WDFY3: variants seen among roughly 807,000 people sequenced by gnomAD.
WDFY3 encodes WD repeat and FYVE domain containing 3.
In WDFY3, 66 loss-of-function variants were observed where a neutral mutation model predicts 409.6. The ratio of observed to expected loss-of-function variants is 0.16; its 90% CI spans 0.13 to 0.20. The LOEUF is 0.20. WDFY3 is among the 10% of genes least tolerant of loss of function. The pLI, the probability that WDFY3 is intolerant of heterozygous loss-of-function variation, is 1.00. For missense variants in WDFY3, 3,031 were observed against 4,298.1 expected, an observed-to-expected ratio of 0.71 and a Z score of 8.24; for synonymous variants, 1,521 against 1,537.1, an observed-to-expected ratio of 0.99 and a Z score of 0.25.
At chr4:84,824,300 T>C (rs1431969655) in intron 10 of WDFY3, among the ~76,000 whole-genome samples, 1 of 152,218 alleles carries the variant, frequency 6.6e-6, no homozygotes, top group Admixed American at 6.5e-5. Flanking sequence ...TGTATTGCTA[T>C]AATTGTTATA....
intron 18 of WDFY3, 143 bp from the exon 19 acceptor site, chr4:84,796,895 T>G: frequency 4.6e-6 from 3 of 654,624 alleles, no homozygotes; most frequent in African/African-American, 1.8e-5. Flanking sequence ...CCAGTTTTAA[T>G]GTACATTTAC....
In WDFY3 at chr4:84,696,779, G is replaced by A; in HGVS notation, c.8641C>T (p.Pro2881Ser). The A allele has an allele frequency of 1.2e-6, 2 of 1,613,844 alleles. 1 individual carries two copies. Among genetic ancestry groups the A allele is most frequent in the Non-Finnish European group, 1.7e-6 (2 of 1,179,920 alleles). Residue 2881 changes from proline to serine, a missense_variant, in exon 57 of 68, where the codon CCC becomes TCC. Pro to Ser is a moderately conservative substitution (Grantham distance 74, BLOSUM62 -1). This residue lies in a region of WDFY3 where 129 missense variants were observed against 305.3 expected (regional missense o/e 0.42). Coordinates refer to ENST00000295888, the MANE Select transcript of WDFY3 (RefSeq NM_014991.6). The part of the protein sequence containing the change: ...GTKLGDVILP[P>S]WAKGDPREFI... ...TCTCGTGGGTCCCCTTTTGCCCAGG[G>A]TGGAAGGATAACATCTCCAAGCTTG...
rs948525855 is a variant in WDFY3, at chr4:84,829,075, A to G, written c.885T>C (p.Asp295=). Residue 295 remains aspartate, a synonymous_variant, in exon 9 of 68, where the codon GAT becomes GAC. Coordinates refer to ENST00000295888, the MANE Select transcript of WDFY3 (RefSeq NM_014991.6). ...GLSCFLKDSS[D]VSQTLLDDFR... ...AATCATCCAGAAGTGTTTGGGAAACATCGCTGGAATCTTTGAGGAAACAAG... is the reference window on the plus strand; with the variant it reads ...AATCATCCAGAAGTGTTTGGGAAACGTCGCTGGAATCTTTGAGGAAACAAG... 13 of 1,613,780 alleles carry G rather than the reference A, an allele frequency of 8.1e-6. No individual in the cohort carries two copies. Among genetic ancestry groups the G allele is most frequent in the African/African-American group, 1.3e-5 (1 of 74,926 alleles).
At chr4:84,867,565 C>A (rs1204596993) in intron 3 of WDFY3, among the ~76,000 whole-genome samples, 2 of 152,076 alleles carry the variant, frequency 1.3e-5, no homozygotes, top group Non-Finnish European at 2.9e-5. Flanking sequence ...TACTGCAAAC[C>A]CAGATAGTAT....
intron 1 of WDFY3, among the ~76,000 whole-genome samples, chr4:84,933,167 T>C (rs1448213615): frequency 1.3e-5 from 2 of 152,208 alleles, no homozygotes; most frequent in Admixed American, 6.5e-5. Flanking sequence ...TCAGATGAGC[T>C]ATGTGTTTTT....
chr4:84,941,304 A>T (rs150035369), intron 1 of WDFY3, among the ~76,000 whole-genome samples: 425 of 152,178 alleles, frequency 2.8e-3, no homozygotes, highest in African/African-American at 9.7e-3. Context: ...CAATATACAA[A>T]AATCAATTGT....
intron 12 of WDFY3, among the ~76,000 whole-genome samples, chr4:84,818,103 G>A (rs1753568922): frequency 6.6e-6 from 1 of 152,128 alleles, no homozygotes; most frequent in African/African-American, 2.4e-5. Context: ...ATGTGTCATT[G>A]TTACTGCTCC....
At chr4:84,903,012 G>A (rs1766548105) in intron 2 of WDFY3, among the ~76,000 whole-genome samples, 1 of 152,152 alleles carries the variant, frequency 6.6e-6, no homozygotes, top group Non-Finnish European at 1.5e-5. Flanking sequence ...TTATGTTGTT[G>A]AATGAAGGAA....
At chr4:84,761,239 T>C (rs1193061459) in intron 32 of WDFY3, among the ~76,000 whole-genome samples, 1 of 152,176 alleles carries the variant, frequency 6.6e-6, no homozygotes, top group Non-Finnish European at 1.5e-5. Context: ...TGTGGTCAAT[T>C]TTGGAATAGG....
intron 40 of WDFY3, among the ~76,000 whole-genome samples, chr4:84,737,932 C>A (rs1427208671): frequency 1.3e-5 from 2 of 152,092 alleles, no homozygotes; most frequent in African/African-American, 4.8e-5. Flanking sequence ...AGTAGGGCAA[C>A]AGAATCTGCT....
intron 15 of WDFY3, chr4:84,803,899 C>G: frequency 6.4e-6 from 1 of 155,846 alleles, no homozygotes; most frequent in Non-Finnish European, 1.4e-5. Flanking sequence ...GTGTTTTAAC[C>G]TTTCCTTAGT....
At chr4:84,861,922 C>G (rs926296542) in intron 3 of WDFY3, among the ~76,000 whole-genome samples, 1 of 152,166 alleles carries the variant, frequency 6.6e-6, no homozygotes, top group Non-Finnish European at 1.5e-5. Context: ...GGAGGACATT[C>G]TGGGTATGCA....
chr4:84,722,926 C>A (rs1184189074), intron 46 of WDFY3, among the ~76,000 whole-genome samples: 2 of 152,166 alleles, frequency 1.3e-5, no homozygotes, highest in African/African-American at 4.8e-5. Flanking sequence ...AGAACATCCA[C>A]AAGGGGTGGA....
Position 84,790,036 on chromosome 4 carries a change from A to T in WDFY3, c.3488-129T>A, listed in dbSNP as rs994736022. On this transcript the variant is annotated intron_variant, in intron 21 of 67. Coordinates refer to ENST00000295888, the MANE Select transcript of WDFY3 (RefSeq NM_014991.6). ...AATGATGCAGACTGATTTGAGTAAT[A>T]ATACAACTCTGGAAAAAAAAATGAT... 48 of 1,040,652 alleles carry T rather than the reference A, an allele frequency of 4.6e-5. No homozygotes were observed. The African/African-American group carries it at 7.6e-4, about 17-fold the overall frequency. The allele number at this position is 1,040,652 out of a possible 1,614,324, so 64.5% of individuals were successfully genotyped here. A position where few individuals can be genotyped will look rare whatever the true frequency, so the allele number is the denominator to read the frequency against.
intron 7 of WDFY3, among the ~76,000 whole-genome samples, chr4:84,836,030 AC>A (rs1403264759): frequency 6.6e-6 from 1 of 152,228 alleles, no homozygotes; most frequent in Non-Finnish European, 1.5e-5. Context: ...GGTTAAAAAA[AC>A]ATGTAACATT....
At chr4:84,905,103 A>C (rs1766864624) in intron 2 of WDFY3, among the ~76,000 whole-genome samples, 1 of 152,228 alleles carries the variant, frequency 6.6e-6, no homozygotes, top group Non-Finnish European at 1.5e-5. Context: ...TGGGAGGCCA[A>C]GGCAGGCGGA....
intron 24 of WDFY3, among the ~76,000 whole-genome samples, chr4:84,784,889 T>TACACAC (rs1441669534): frequency 2.3e-3 from 122 of 52,064 alleles, no homozygotes; most frequent in African/African-American, 7.9e-3. Context: ...TATATATATA[T>TACACAC]ATACACACAC....
chr4:84,826,799 A>G lies in WDFY3; in HGVS notation c.1123+16T>C. The G allele has an allele frequency of 3.8e-6, 6 of 1,578,344 alleles. No individual in the cohort carries two copies. The highest frequency in any genetic ancestry group is 5.1e-6 in the Non-Finnish European group (6 of 1,168,934). The stretch of plus-strand genomic sequence containing the variant: ...TATTTCTCTCAGTAGCACAGAAGGG[A>G]AAAAACAAGACTCACCTTTGCCTGC... On this transcript the variant is annotated intron_variant, in intron 10 of 67. Coordinates refer to ENST00000295888, the MANE Select transcript of WDFY3 (RefSeq NM_014991.6).
chr4:84,849,772 G>A, intron 5 of WDFY3, 130 bp downstream of exon 5: 5 of 1,285,712 alleles, frequency 3.9e-6, no homozygotes, highest in Non-Finnish European at 5.3e-6. Context: ...CTAAGAAAGG[G>A]AAAGGGAATG....
Sources: gnomAD v4.1 joint callset for allele counts (sites outside exome capture counted in the v4.1 genomes callset) on GRCh38, gnomAD v4.1.1 for gene constraint, gnomAD v4.1.1 regional missense constraint, MANE v1.5 for transcripts, NCBI Gene and HGNC (gene_info 2026-07-23, HGNC 2026-07-21) for gene names.